ZRANB3: variants seen among roughly 807,000 people sequenced by gnomAD.
ZRANB3 encodes the protein DNA annealing helicase and endonuclease ZRANB3.
A neutral mutation model predicts 133.8 loss-of-function variants in ZRANB3; 125 were observed. The ratio of observed to expected loss-of-function variants is 0.93; its 90% CI spans 0.81 to 1.08. The LOEUF (loss-of-function observed/expected upper bound fraction) is 1.08. Ranked by LOEUF, ZRANB3 falls within the 50% of genes least tolerant of loss-of-function variation. ZRANB3 has a pLI of 0.00. For synonymous variants in ZRANB3, 387 were observed against 432.7 expected (o/e 0.89, Z 1.31); for missense variants, 1,229 against 1,275.5 (o/e 0.96, Z 0.56).
At chr2:135,335,713 A>AAACAAAACAAAACAAAACAG (rs1684339522) in intron 6 of ZRANB3, among the ~76,000 whole-genome samples, 1 of 152,082 alleles carries the variant, frequency 6.6e-6, no homozygotes, top group African/African-American at 2.4e-5. Context: ...AAACAAAACA[A>AAACAAAACAAAACAAAACAG]AACAAAACAA....
In ZRANB3 at chr2:135,269,125, G is replaced by C. The variant is rs1434929465; in HGVS notation, c.1223C>G (p.Ala408Gly). ...QAAGQGLTFT[A>G]ASHVVFAELY... ...CTCAGCAAATACAACATGACTTGCTGCAGTAAATGTTAATCCCTAAGTGAA... is the reference window on the plus strand; with the variant it reads ...CTCAGCAAATACAACATGACTTGCTCCAGTAAATGTTAATCCCTAAGTGAA... Residue 408 changes from alanine (A) to glycine (G), a missense_variant, in exon 11 of 21, where the codon GCA becomes GGA. Physicochemically the swap from Ala to Gly is moderately conservative, Grantham distance 60 (BLOSUM62 0). Transcript: ENST00000264159. The C allele has an allele frequency of 6.2e-7, 1 of 1,600,842 alleles. No homozygotes were observed. The highest frequency in any genetic ancestry group is 1.3e-5 in the African/African-American group (1 of 74,180).
intron 3 of ZRANB3, among the ~76,000 whole-genome samples, chr2:135,383,535 GA>G (rs1686822170): frequency 6.6e-6 from 1 of 152,108 alleles, no homozygotes; most frequent in South Asian, 2.1e-4. Flanking sequence ...CAAATCAACA[GA>G]ATATACATTC....
intron 6 of ZRANB3, among the ~76,000 whole-genome samples, chr2:135,321,180 G>A (rs1683507068): frequency 6.6e-6 from 1 of 152,156 alleles, no homozygotes; most frequent in Admixed American, 6.5e-5. Flanking sequence ...TAGGATTTCT[G>A]ATTTGTATTG....
chr2:135,450,638 CA>C (rs201099999), intron 2 of ZRANB3, among the ~76,000 whole-genome samples: 1 of 149,714 alleles, frequency 6.7e-6, no homozygotes, highest in Non-Finnish European at 1.5e-5. Context: ...AACAAAGAAA[CA>C]AAAAAAAATG....
chr2:135,457,426 G>A (rs560400279), intron 2 of ZRANB3, among the ~76,000 whole-genome samples: 3 of 152,216 alleles, frequency 2.0e-5, no homozygotes, highest in South Asian at 4.1e-4. Context: ...AATTAGGAGT[G>A]CATGAGGATT....
intron 2 of ZRANB3, among the ~76,000 whole-genome samples, chr2:135,489,710 A>G (rs1692291257): frequency 6.6e-6 from 1 of 151,918 alleles, no homozygotes; most frequent in African/African-American, 2.4e-5. Flanking sequence ...CTACTAAAAT[A>G]GGAAAGTACA....
intron 2 of ZRANB3, among the ~76,000 whole-genome samples, chr2:135,470,798 TTC>T (rs1691227218): frequency 6.6e-6 from 1 of 151,130 alleles, no homozygotes; most frequent in Non-Finnish European, 1.5e-5. Flanking sequence ...ATCACGAAAT[TTC>T]TTTCTTTTTT....
At chr2:135,353,780 C>T (rs1451796909) in intron 3 of ZRANB3, among the ~76,000 whole-genome samples, 152 bp from the exon 4 acceptor site, 3 of 152,094 alleles carry the variant, frequency 2.0e-5, no homozygotes, top group Admixed American at 6.6e-5. Flanking sequence ...GCAGGTGGAT[C>T]GCTTGAGCCC....
At position 135,238,393 on chromosome 2, in the gene ZRANB3, CT is replaced by C. The variant is rs376967394; in HGVS notation, c.1540-7467del. ...ATGCAGTTAAAGTAATGCTGTGTGA[CT>C]TTTTTTTTTTTTTTTTGAGGCAGAG... On this transcript the variant is annotated intron_variant, in intron 12 of 20. Coordinates refer to ENST00000264159, the MANE Select transcript of ZRANB3 (RefSeq NM_032143.4). 4.9e-3 allele frequency among the ~76,000 whole-genome samples: 674 copies of C among 138,374 alleles called. 9 individuals carry two copies. The highest frequency in any genetic ancestry group is 0.03 in the Admixed American group (422 of 13,872). 90.8% of individuals were successfully genotyped at this position (138,374 alleles called of 152,430 possible).
At chr2:135,405,937 C>G (rs895801615) in intron 2 of ZRANB3, among the ~76,000 whole-genome samples, 1 of 151,892 alleles carries the variant, frequency 6.6e-6, no homozygotes, top group Non-Finnish European at 1.5e-5. Flanking sequence ...AAACACATTC[C>G]AAATCTAGCA....
At chr2:135,509,230 T>C (rs183178419) in intron 1 of ZRANB3, among the ~76,000 whole-genome samples, 1 of 152,294 alleles carries the variant, frequency 6.6e-6, no homozygotes, top group East Asian at 1.9e-4. Context: ...ACATTCCTTC[T>C]TATGGGCTAT....
At chr2:135,335,751 G>A (rs180979432) in intron 6 of ZRANB3, among the ~76,000 whole-genome samples, 107 of 151,976 alleles carry the variant, frequency 7.0e-4, no homozygotes, top group African/African-American at 1.3e-3. Context: ...TATTAGGGAC[G>A]ACCAATATGT....
At chr2:135,377,907 G>T (rs1686499329) in intron 3 of ZRANB3, among the ~76,000 whole-genome samples, 1 of 152,170 alleles carries the variant, frequency 6.6e-6, no homozygotes, top group African/African-American at 2.4e-5. Context: ...AATATAATCA[G>T]CTGCCATGGT....
chr2:135,298,008 A>G (rs1682230432), intron 8 of ZRANB3, among the ~76,000 whole-genome samples: 1 of 152,106 alleles, frequency 6.6e-6, no homozygotes. Flanking sequence ...GTGGGTGGAT[A>G]ACCTGACGTC....
chr2:135,281,909 C>A (rs1681116516), intron 8 of ZRANB3, among the ~76,000 whole-genome samples: 1 of 152,166 alleles, frequency 6.6e-6, no homozygotes, highest in Non-Finnish European at 1.5e-5. Flanking sequence ...AACTTTCTGT[C>A]TCTATGGATT....
At chr2:135,440,884 T>G (rs982742856) in intron 2 of ZRANB3, among the ~76,000 whole-genome samples, 4 of 152,088 alleles carry the variant, frequency 2.6e-5, no homozygotes, top group Middle Eastern at 3.2e-3. Context: ...TGAGAACAAA[T>G]AATTAGTGAA....
At chr2:135,276,068 G>A (rs1680806634) in intron 8 of ZRANB3, among the ~76,000 whole-genome samples, 1 of 152,094 alleles carries the variant, frequency 6.6e-6, no homozygotes, top group Non-Finnish European at 1.5e-5. Context: ...GGAGTTGGCA[G>A]TTTTGTTTAG....
chr2:135,209,033 A>G (rs984555036), intron 17 of ZRANB3, 55 bp from the exon 18 acceptor site: 8 of 1,512,304 alleles, frequency 5.3e-6, no homozygotes, highest in Non-Finnish European at 6.4e-6. Flanking sequence ...AAATGTCTCT[A>G]TTGCATGTTT....
chr2:135,314,007 G>A (rs1313460818), intron 7 of ZRANB3, among the ~76,000 whole-genome samples: 1 of 152,136 alleles, frequency 6.6e-6, no homozygotes, highest in Admixed American at 6.5e-5. Context: ...TTGGATTACA[G>A]GCATGCGCCA....
Sources: allele counts gnomAD v4.1 joint callset (sites outside exome capture counted in the v4.1 genomes callset), GRCh38; gene constraint gnomAD v4.1.1; transcripts MANE v1.5; gene names NCBI Gene and HGNC (gene_info 2026-07-23, HGNC 2026-07-21).